FOXK1: variants seen among roughly 807,000 people sequenced by gnomAD.
FOXK1 encodes the protein forkhead box protein K1.
Under a neutral mutation model 51.9 loss-of-function variants are expected in FOXK1, and 19 were observed. The ratio of observed to expected loss-of-function variants is 0.37; its 90% confidence interval spans 0.26 to 0.54. The LOEUF is 0.54. Among genes scored for constraint, FOXK1 ranks in the 20% least tolerant of loss-of-function variants. FOXK1 has a pLI of 0.87. For missense variants in FOXK1, 870 were observed against 1,032.7 expected (o/e 0.84, Z 2.16); for synonymous variants, 537 against 482.6 (o/e 1.11, Z -1.48).
At position 4,745,426 on chromosome 7, in the gene FOXK1, C is replaced by A. The variant is rs1368862075; in HGVS notation, c.746+4403C>A. Among the ~76,000 whole-genome samples the A allele has an allele frequency of 6.6e-6, 1 of 150,874 alleles. No homozygotes were observed. The highest frequency in any genetic ancestry group is 1.5e-5 in the Non-Finnish European group (1 of 67,796). ...TTCCTTTCCGTTTCTCGCAGGCCCT[C>A]GCTCCTTTTCCCAGGGTGGGTGGGT... On this transcript the variant is annotated intron_variant, in intron 2 of 8. Transcript: ENST00000328914. This position sits in a 1 kb window ranked among gnomAD's most constrained non-coding sequence, Gnocchi z 4.3.
At chr7:4,696,825 T>C (rs1192627555) in intron 1 of FOXK1, among the ~76,000 whole-genome samples, 1 of 152,174 alleles carries the variant, frequency 6.6e-6, no homozygotes, top group East Asian at 1.9e-4. Context: ...CCTAACACTT[T>C]GGGAGGCTGA....
At position 4,758,168 on chromosome 7, in the gene FOXK1, G is replaced by A. The variant is rs1344438022; in HGVS notation, c.1245-883G>A. ...CTTCGAAGGGACAGATGAGGGGTAT[G>A]ACCTGGGGAGCCCACAACCGCCTTT... On this transcript the variant is annotated intron_variant, in intron 5 of 8. Coordinates refer to ENST00000328914, the MANE Select transcript of FOXK1 (RefSeq NM_001037165.2). This position sits in a 1 kb window ranked among gnomAD's most constrained non-coding sequence, Gnocchi z 4.4. 3 of 152,294 alleles carry A rather than the reference G, an allele frequency of 2.0e-5. No individual in the cohort carries two copies. The highest frequency in any genetic ancestry group is 7.2e-5 in the African/African-American group (3 of 41,472). 9.4% of individuals were successfully genotyped at this position (152,294 alleles called of 1,614,324 possible).
rs1219332401 is a variant in FOXK1, at chr7:4,703,591, C to G, written c.560+20723C>G. Among the ~76,000 whole-genome samples the G allele has an allele frequency of 6.6e-6, 1 of 152,154 alleles. No individual in the cohort carries two copies. Among genetic ancestry groups the G allele is most frequent in the South Asian group, 2.1e-4 (1 of 4,832 alleles). ...ATTTTGCTCATCTTAGGGTTGGGGA[C>G]AGAACATCATTAAGAATTGTTTTTA... is the stretch of plus-strand genomic sequence containing the variant. On this transcript the variant is annotated intron_variant, in intron 1 of 8. Coordinates refer to ENST00000328914, the MANE Select transcript of FOXK1 (RefSeq NM_001037165.2). The surrounding 1 kb of genome is among the most constrained non-coding windows in gnomAD (Gnocchi z 5.6).
At chr7:4,724,686 T>G (rs541093273) in intron 1 of FOXK1, among the ~76,000 whole-genome samples, 1 of 152,272 alleles carries the variant, frequency 6.6e-6, no homozygotes, top group African/African-American at 2.4e-5. Context: ...ACAGCCAGGC[T>G]GCTTCCACTG....
At position 4,769,678 on chromosome 7, in the gene FOXK1, TG is replaced by T. The variant is rs1232496544; in HGVS notation, c.*7215del. Reference sequence around the variant, plus strand: ...CTGGTCTTGAACTCCTGACCTCAGGTGATCTGCCCACCTCAACCTCCCAAAG... The same window carrying T: ...CTGGTCTTGAACTCCTGACCTCAGGTATCTGCCCACCTCAACCTCCCAAAG... On this transcript the variant is annotated 3_prime_UTR_variant, in exon 9 of 9. Coordinates refer to ENST00000328914, the MANE Select transcript of FOXK1 (RefSeq NM_001037165.2). The surrounding 1 kb of genome is among the most constrained non-coding windows in gnomAD (Gnocchi z 4.1). 6.6e-6 allele frequency: 1 copy of T among 152,168 alleles called. No homozygotes were observed. The highest frequency in any genetic ancestry group is 2.4e-5 in the African/African-American group (1 of 41,434). 9.4% of individuals were successfully genotyped at this position (152,168 alleles called of 1,614,324 possible).
At chr7:4,739,911 G>T (rs1303814674) in intron 1 of FOXK1, among the ~76,000 whole-genome samples, 1 of 152,234 alleles carries the variant, frequency 6.6e-6, no homozygotes, top group African/African-American at 2.4e-5. Context: ...ACAGGAAGTA[G>T]CCGTGTCTGT....
chr7:4,716,257 T>C (rs567930653), intron 1 of FOXK1, among the ~76,000 whole-genome samples: 1 of 148,696 alleles, frequency 6.7e-6, no homozygotes, highest in South Asian at 2.1e-4. Flanking sequence ...AAGAAAGAAA[T>C]ACAGACTTCA....
chr7:4,754,701 G>A, intron 3 of FOXK1, 86 bp downstream of exon 3: 1 of 1,471,594 alleles, frequency 6.8e-7, no homozygotes, highest in South Asian at 1.3e-5. Flanking sequence ...GACAGCCCAG[G>A]GCCTGCGGGC....
chr7:4,697,130 G>T (rs915397690), intron 1 of FOXK1, among the ~76,000 whole-genome samples: 1 of 152,320 alleles, frequency 6.6e-6, no homozygotes, highest in East Asian at 1.9e-4. Flanking sequence ...GGCTGGCACT[G>T]TCTGGAGTCC....
Position 4,755,535 on chromosome 7 carries a change from T to C in FOXK1, c.1050+152T>C. 1 of 1,066,694 alleles carries C rather than the reference T, an allele frequency of 9.4e-7. No individual in the cohort carries two copies. The highest frequency in any genetic ancestry group is 1.3e-6 in the Non-Finnish European group (1 of 754,802). 66.1% of individuals were successfully genotyped at this position (1,066,694 alleles called of 1,614,324 possible). On this transcript the variant is annotated intron_variant, in intron 4 of 8. Transcript: ENST00000328914. The surrounding 1 kb of genome is among the most constrained non-coding windows in gnomAD (Gnocchi z 6.6). Reference sequence around the variant, plus strand: ...TTGTGAGGCCGAGGCAGGAGGAGGATCAAGACCAGCCTGTGCAACATAGAG... The same window carrying C: ...TTGTGAGGCCGAGGCAGGAGGAGGACCAAGACCAGCCTGTGCAACATAGAG...
Position 4,682,529 on chromosome 7 carries a change from C to T in FOXK1, c.221C>T (p.Ser74Phe), listed in dbSNP as rs1267653067. The change falls in exon 1 of 9, where the codon TCC becomes TTC. Residue 74 changes from serine (S) to phenylalanine (F), a missense_variant. Around this residue, in one of 3 missense-constraint regions of FOXK1, gnomAD observed 399 missense variants for 475.6 expected, o/e 0.84. Coordinates refer to ENST00000328914, the MANE Select transcript of FOXK1 (RefSeq NM_001037165.2). The surrounding 1 kb of genome is among the most constrained non-coding windows in gnomAD (Gnocchi z 7.6). ...AIAGAGSSGG[S>F]SGVSGDSAVA... ...GCGGGCGCGGGCTCCTCCGGGGGCT[C>T]CTCCGGGGTATCCGGGGACTCCGCG... 3 of 1,120,826 alleles carry T rather than the reference C, an allele frequency of 2.7e-6. No homozygotes were observed. The highest frequency in any genetic ancestry group is 3.3e-6 in the Non-Finnish European group (3 of 920,384). The allele number at this position is 1,120,826 out of a possible 1,614,324, so 69.4% of individuals were successfully genotyped here. A position where few individuals can be genotyped will look rare whatever the true frequency, so the allele number is the denominator to read the frequency against.
In FOXK1 at chr7:4,729,636, AG is replaced by A. The variant is rs1356972586; in HGVS notation, c.561-11200del. Among the ~76,000 whole-genome samples, 1 of 152,144 alleles carries A rather than the reference AG, an allele frequency of 6.6e-6. No homozygotes were observed. The highest frequency in any genetic ancestry group is 1.5e-5 in the Non-Finnish European group (1 of 68,006). ...TGTGGGGCTCTATCCTAATTCAGTG[AG>A]GTCTCTCGCCACCTTCCTCCAGGGT... On this transcript the variant is annotated intron_variant, in intron 1 of 8. Coordinates refer to ENST00000328914, the MANE Select transcript of FOXK1 (RefSeq NM_001037165.2). This position sits in a 1 kb window ranked among gnomAD's most constrained non-coding sequence, Gnocchi z 6.2.
chr7:4,710,777 G>A (rs1780164390), intron 1 of FOXK1, among the ~76,000 whole-genome samples: 1 of 152,058 alleles, frequency 6.6e-6, no homozygotes, highest in Non-Finnish European at 1.5e-5. Context: ...TGGTCTGCAC[G>A]GGCCACGATA....
chr7:4,727,085 A>G (rs995595583), intron 1 of FOXK1, among the ~76,000 whole-genome samples: 12 of 151,918 alleles, frequency 7.9e-5, no homozygotes, highest in African/African-American at 2.9e-4. Flanking sequence ...AGCTGGGACT[A>G]CAGGCATGCA....
chr7:4,695,383 C>T (rs1779938722), intron 1 of FOXK1, among the ~76,000 whole-genome samples: 1 of 152,180 alleles, frequency 6.6e-6, no homozygotes, highest in African/African-American at 2.4e-5. Flanking sequence ...TACAGGCCTG[C>T]CTACCTTTGG....
intron 1 of FOXK1, among the ~76,000 whole-genome samples, chr7:4,726,746 C>G (rs1160388705): frequency 6.6e-6 from 1 of 152,212 alleles, no homozygotes; most frequent in Admixed American, 6.5e-5. Context: ...CTGCTTTGCC[C>G]TCAAGACTTC....
Position 4,731,887 on chromosome 7 carries a change from G to A in FOXK1, c.561-8951G>A, listed in dbSNP as rs772627388. Among the ~76,000 whole-genome samples, 13 of 151,928 alleles carry A rather than the reference G, an allele frequency of 8.6e-5. No homozygotes were observed. The highest frequency in any genetic ancestry group is 1.6e-4 in the Non-Finnish European group (11 of 68,022). On this transcript the variant is annotated intron_variant, in intron 1 of 8. Transcript: ENST00000328914. The surrounding 1 kb of genome is among the most constrained non-coding windows in gnomAD (Gnocchi z 5.3). ...TAACTGAAGCACATTTTCAGTAACC[G>A]CTTGCTACGTGCCAGCCGTCCGGTC...
chr7:4,757,051 C>G lies in FOXK1; in HGVS notation c.1108C>G (p.Gln370Glu). 1 of 1,613,890 alleles carries G rather than the reference C, an allele frequency of 6.2e-7. No homozygotes were observed. Among genetic ancestry groups the G allele is most frequent in the South Asian group, 1.1e-5 (1 of 91,072 alleles). ...TTACTTTATCAAAGTCCCACGTTCC[C>G]AGGAGGAGCCTGGGAAGGGGTCCTT... ...NRYFIKVPRS[Q>E]EEPGKGSFWR... The change falls in exon 5 of 9, where the codon CAG becomes GAG. Residue 370 changes from glutamine to glutamate, a missense_variant. By Grantham distance (29) the Gln-to-Glu change is conservative. Transcript: ENST00000328914.
At position 4,748,958 on chromosome 7, in the gene FOXK1, T is replaced by G. The variant is rs908970272; in HGVS notation, c.747-5501T>G. 6.6e-6 allele frequency among the ~76,000 whole-genome samples: 1 copy of G among 152,110 alleles called. No individual in the cohort carries two copies. The highest frequency in any genetic ancestry group is 1.5e-5 in the Non-Finnish European group (1 of 68,006). On this transcript the variant is annotated intron_variant, in intron 2 of 8. Transcript: ENST00000328914. This position sits in a 1 kb window ranked among gnomAD's most constrained non-coding sequence, Gnocchi z 4.9. The stretch of plus-strand genomic sequence containing the variant: ...CCTCCCAAAGCGCTGGGATTACAGG[T>G]GTGAGCCACCTCGCCTGGACCCCCA...
Sources: gnomAD v4.1 joint callset for allele counts (sites outside exome capture counted in the v4.1 genomes callset) on GRCh38, gnomAD v4.1.1 for gene constraint, gnomAD v4.1.1 regional missense constraint, Gnocchi (gnomAD v3.1) non-coding constraint, MANE v1.5 for transcripts, NCBI Gene and HGNC (gene_info 2026-07-23, HGNC 2026-07-21) for gene names.